INO80: variants seen among roughly 807,000 people sequenced by gnomAD.
INO80 encodes chromatin-remodeling ATPase INO80.
Under a neutral mutation model 203.4 loss-of-function variants are expected in INO80, and 20 were observed. The ratio of observed to expected loss-of-function variants is 0.10; its 90% CI spans 0.07 to 0.14. The LOEUF (loss-of-function observed/expected upper bound fraction) is 0.14, where lower values mean the gene tolerates loss of function less well. INO80 is among the 10% of genes least tolerant of loss of function. The pLI, the probability that INO80 is intolerant of heterozygous loss-of-function variation, is 1.00. For missense variants in INO80, 1,419 were observed against 1,914.4 expected, an observed-to-expected ratio of 0.74 and a Z score of 4.83; for synonymous variants, 726 against 685.2, an observed-to-expected ratio of 1.06 and a Z score of -0.93.
chr15:41,074,802 T>C (rs747960274), intron 9 of INO80, among the ~76,000 whole-genome samples: 1 of 152,212 alleles, frequency 6.6e-6, no homozygotes, highest in African/African-American at 2.4e-5. Flanking sequence ...TGGAGTATAG[T>C]GGCACGATCT....
At chr15:41,083,809 T>G (rs2045520726) in intron 7 of INO80, among the ~76,000 whole-genome samples, 1 of 152,016 alleles carries the variant, frequency 6.6e-6, no homozygotes, top group Non-Finnish European at 1.5e-5. Context: ...AAGATGCAGA[T>G]CTAGTTTTAT....
intron 7 of INO80, 119 bp from the exon 8 acceptor site, chr15:41,081,192 A>T (rs1297863559): frequency 2.0e-5 from 13 of 647,908 alleles, no homozygotes; most frequent in Admixed American, 5.4e-5. Context: ...CAAGCAAGAT[A>T]TATTACTTCT....
At position 41,081,001 on chromosome 15, in the gene INO80, T is replaced by C; in HGVS notation, c.927+19A>G. The C allele has an allele frequency of 6.5e-7, 1 of 1,547,164 alleles. No homozygotes were observed. Among genetic ancestry groups the C allele is most frequent in the Non-Finnish European group, 8.9e-7 (1 of 1,120,758 alleles). On this transcript the variant is annotated intron_variant, in intron 8 of 35. Transcript: ENST00000648947. Reference sequence around the variant, plus strand: ...TTCCAGCAAAACATGAAATGGAAAATACAAAACTACAATTTTACCTTTCGG... The same window carrying C: ...TTCCAGCAAAACATGAAATGGAAAACACAAAACTACAATTTTACCTTTCGG...
At chr15:41,039,263 C>T (rs930741531) in intron 24 of INO80, among the ~76,000 whole-genome samples, 7 of 152,208 alleles carry the variant, frequency 4.6e-5, no homozygotes, top group Non-Finnish European at 8.8e-5. Context: ...AGGCATGAGC[C>T]AACACCACAC....
rs780788447 is a variant in INO80, at chr15:41,095,767, A to G, written c.305T>C (p.Leu102Pro). The G allele has an allele frequency of 3.1e-6, 5 of 1,614,110 alleles. No individual in the cohort carries two copies. The highest frequency in any genetic ancestry group is 2.5e-6 in the Non-Finnish European group (3 of 1,179,998). ...MLNTYSLNGV[L>P]QSESKCDKGN... ...TGTCACACCACACTGACCTGACTGT[A>G]GAACTCCATTCAGAGAATATGTGTT... The change falls in exon 3 of 36, where the codon CTA (leucine) becomes CCA (proline). Residue 102 changes from leucine (L) to proline (P), a missense_variant. Physicochemically the swap from Leu to Pro is moderately conservative, Grantham distance 98. Transcript: ENST00000648947.
intron 1 of INO80, among the ~76,000 whole-genome samples, chr15:41,111,155 A>C (rs1203015755): frequency 3.3e-5 from 5 of 152,360 alleles, no homozygotes; most frequent in Admixed American, 2.0e-4. Context: ...ACGCTTAAAA[A>C]ATAAAATAGG....
intron 9 of INO80, among the ~76,000 whole-genome samples, chr15:41,078,023 C>A (rs2045431407): frequency 6.6e-6 from 1 of 151,764 alleles, no homozygotes. Context: ...CCTCAGCCTC[C>A]CAAGCAGCTG....
intron 31 of INO80, among the ~76,000 whole-genome samples, chr15:40,986,134 G>A (rs1239923495): frequency 1.3e-5 from 2 of 152,120 alleles, no homozygotes; most frequent in Non-Finnish European, 2.9e-5. Flanking sequence ...AAACACATGG[G>A]AGGAGGGTTT....
rs1430690607 is a variant in INO80 at position 40,985,443 on chromosome 15, T to C, written c.3833-17A>G. ...GCAGCCTCACTATCAAGAAAATGAA[T>C]TAAGACCTGATGAAGTACCTGTGGT... On this transcript the variant is annotated splice_polypyrimidine_tract_variant and intron_variant, in intron 31 of 35. Transcript: ENST00000648947. 5.0e-6 allele frequency: 8 copies of C among 1,586,418 alleles called. No individual in the cohort carries two copies. The highest frequency in any genetic ancestry group is 1.7e-5 in the Admixed American group (1 of 59,986).
At chr15:41,044,801 T>C (rs1596287409) in intron 24 of INO80, 103 bp downstream of exon 24, 11 of 1,137,826 alleles carry the variant, frequency 9.7e-6, no homozygotes, top group East Asian at 2.6e-5. Context: ...TGGGAACTTT[T>C]TGGTTCTCTC....
chr15:40,988,526 C>T (rs1360073432), intron 29 of INO80, among the ~76,000 whole-genome samples: 1 of 152,154 alleles, frequency 6.6e-6, no homozygotes, highest in Non-Finnish European at 1.5e-5. Flanking sequence ...GCAGAGGTTG[C>T]GGTGAGCTGA....
At chr15:41,026,417 G>A (rs2044375380) in intron 25 of INO80, among the ~76,000 whole-genome samples, 1 of 151,972 alleles carries the variant, frequency 6.6e-6, no homozygotes, top group Non-Finnish European at 1.5e-5. Flanking sequence ...GCCAGGAGCG[G>A]TGGTGCGCAC....
Position 41,048,753 on chromosome 15 carries a change from T to A in INO80, c.2577-477A>T, listed in dbSNP as rs940647488. Reference sequence around the variant, plus strand: ...CAAATGTTGATATGCAGAAAAAACCTCTGGGAACTTGTTTAAAAATTCAGA... The same window carrying A: ...CAAATGTTGATATGCAGAAAAAACCACTGGGAACTTGTTTAAAAATTCAGA... On this transcript the variant is annotated intron_variant, in intron 21 of 35. Transcript: ENST00000648947. Among the ~76,000 whole-genome samples the A allele has an allele frequency of 2.0e-5, 3 of 152,292 alleles. No individual in the cohort carries two copies. In the East Asian group the frequency reaches 5.8e-4, roughly 29 times the overall value.
At chr15:41,056,528 T>A in intron 17 of INO80, 94 bp downstream of exon 17, 1 of 960,134 alleles carries the variant, frequency 1.0e-6, no homozygotes, top group Non-Finnish European at 1.6e-6. Flanking sequence ...TACAAAGCAG[T>A]AGCACTGCAA....
intron 27 of INO80, among the ~76,000 whole-genome samples, chr15:41,007,016 T>G (rs1418114948): frequency 6.6e-6 from 1 of 152,052 alleles, no homozygotes; most frequent in Non-Finnish European, 1.5e-5. Context: ...TGATGGTCCT[T>G]AGAGGCTTGC....
chr15:40,983,024 G>T lies in INO80; in HGVS notation c.4291C>A (p.Arg1431=). ...AAGRGHSARS[R]GRPKGSGSTA... ...CTTCCTGAACCTTTGGGGCGGCCTC[G>T]GCTTCGGGCTGAGTGACCACGTCCT... The change falls in exon 35 of 36, where the codon CGA becomes AGA. Residue 1431 remains arginine, a synonymous_variant. Coordinates refer to ENST00000648947, the MANE Select transcript of INO80 (RefSeq NM_017553.3). The T allele has an allele frequency of 1.2e-6, 2 of 1,614,024 alleles. No homozygotes were observed. Among genetic ancestry groups the T allele is most frequent in the Non-Finnish European group, 8.5e-7 (1 of 1,180,032 alleles).
intron 9 of INO80, among the ~76,000 whole-genome samples, chr15:41,079,116 G>A (rs565287848): frequency 2.7e-4 from 41 of 152,030 alleles, no homozygotes; most frequent in Admixed American, 2.0e-3. Flanking sequence ...CAGCCTGGGC[G>A]ACAAGAGTGA....
At chr15:41,104,688 CCACCA>C (rs1022115805) in intron 1 of INO80, among the ~76,000 whole-genome samples, 1 of 151,870 alleles carries the variant, frequency 6.6e-6, no homozygotes, top group Non-Finnish European at 1.5e-5. Context: ...CAAGCATGAG[CCACCA>C]CACCTGGCTA....
chr15:41,031,281 T>C (rs1444671046), intron 24 of INO80, among the ~76,000 whole-genome samples: 3 of 151,778 alleles, frequency 2.0e-5, no homozygotes, highest in African/African-American at 7.3e-5. Context: ...TTGCTAGATA[T>C]AGAAAAATGT....
Sources: gnomAD v4.1 joint callset for allele counts (sites outside exome capture counted in the v4.1 genomes callset) on GRCh38, gnomAD v4.1.1 for gene constraint, MANE v1.5 for transcripts, NCBI Gene and HGNC (gene_info 2026-07-23, HGNC 2026-07-21) for gene names.